Variants in DCC observed in about 807,000 individuals in gnomAD.
DCC encodes netrin receptor DCC.
DCC carries 58 observed loss-of-function variants against 172.5 expected under a neutral mutation model. The ratio of observed to expected loss-of-function variants is 0.34; its 90% CI spans 0.27 to 0.42. DCC has a LOEUF of 0.42. Ranked by LOEUF, DCC falls within the 10% of genes least tolerant of loss-of-function variation. DCC has a pLI of 1.00. For missense variants in DCC, 1,740 were observed against 1,791.0 expected, an observed-to-expected ratio of 0.97 and a Z score of 0.51; for synonymous variants, 709 against 644.5, an observed-to-expected ratio of 1.10 and a Z score of -1.52.
chr18:52,949,985 T>C (rs1304150207), intron 5 of DCC, among the ~76,000 whole-genome samples: 1 of 152,198 alleles, frequency 6.6e-6, no homozygotes, highest in Non-Finnish European at 1.5e-5. Flanking sequence ...CAATTATTTA[T>C]TGAGGACCTA....
intron 12 of DCC, among the ~76,000 whole-genome samples, chr18:53,269,206 C>T (rs565955049): frequency 3.9e-4 from 59 of 151,974 alleles, no homozygotes; most frequent in African/African-American, 1.2e-3. Flanking sequence ...AAATAACTAG[C>T]GTATTCTTTA....
At chr18:52,391,033 T>A (rs1986012537) in intron 1 of DCC, among the ~76,000 whole-genome samples, 1 of 152,090 alleles carries the variant, frequency 6.6e-6, no homozygotes, top group South Asian at 2.1e-4. Flanking sequence ...TGTGTGTATG[T>A]GTGTATAATA....
intron 7 of DCC, among the ~76,000 whole-genome samples, chr18:53,076,102 T>C (rs2042721947): frequency 6.6e-6 from 1 of 152,182 alleles, no homozygotes; most frequent in Non-Finnish European, 1.5e-5. Context: ...CTTAATGACC[T>C]GGGCAATTAT....
chr18:52,796,069 T>TTG (rs1354133665), intron 2 of DCC, among the ~76,000 whole-genome samples: 1 of 147,726 alleles, frequency 6.8e-6, no homozygotes, highest in East Asian at 2.0e-4. Flanking sequence ...TACTTTTTTT[T>TTG]TTCTGCTTTT....
At chr18:52,350,538 C>A (rs1056011376) in intron 1 of DCC, among the ~76,000 whole-genome samples, 1 of 150,808 alleles carries the variant, frequency 6.6e-6, no homozygotes, top group Admixed American at 6.6e-5. Flanking sequence ...GAGTTGGGGG[C>A]TAGGGGAGGG....
chr18:52,500,285 G>A (rs144326563), intron 1 of DCC, among the ~76,000 whole-genome samples: 15 of 152,098 alleles, frequency 9.9e-5, no homozygotes, highest in Middle Eastern at 6.4e-3. Context: ...GCAAGGACGC[G>A]TGTAAAGGAT....
intron 1 of DCC, among the ~76,000 whole-genome samples, chr18:52,562,204 C>A (rs2144741952): frequency 6.6e-6 from 1 of 152,274 alleles, no homozygotes; most frequent in South Asian, 2.1e-4. Flanking sequence ...AAATCAGATT[C>A]ACTGGTGAGT....
At chr18:52,564,391 T>G (rs2033106482) in intron 1 of DCC, among the ~76,000 whole-genome samples, 1 of 152,116 alleles carries the variant, frequency 6.6e-6, no homozygotes, top group Non-Finnish European at 1.5e-5. Flanking sequence ...TGTTCAGATT[T>G]AAAGTTCTTA....
At chr18:52,954,937 A>G (rs918531311) in intron 5 of DCC, among the ~76,000 whole-genome samples, 1 of 152,172 alleles carries the variant, frequency 6.6e-6, no homozygotes, top group Non-Finnish European at 1.5e-5. Context: ...ACAGTTGAGC[A>G]GAAAGTACGG....
chr18:53,243,899 C>T (rs776523324), intron 12 of DCC, among the ~76,000 whole-genome samples: 5 of 151,976 alleles, frequency 3.3e-5, no homozygotes, highest in Non-Finnish European at 7.4e-5. Flanking sequence ...TTCTCGTTAG[C>T]CAAAAAAGCA....
At chr18:53,104,360 T>A (rs757264900) in intron 7 of DCC, among the ~76,000 whole-genome samples, 49 of 151,956 alleles carry the variant, frequency 3.2e-4, no homozygotes, top group Non-Finnish European at 5.9e-4. Flanking sequence ...CTCTTGAGAG[T>A]GAATAAGTCT....
intron 1 of DCC, among the ~76,000 whole-genome samples, chr18:52,443,527 G>A (rs1205771076): frequency 6.6e-6 from 1 of 152,178 alleles, no homozygotes; most frequent in Admixed American, 6.5e-5. Context: ...GAGTCATGAA[G>A]AATGCATAGG....
In DCC at chr18:53,356,602, G is replaced by A. The variant is rs577615615; in HGVS notation, c.2359+16695G>A. Among the ~76,000 whole-genome samples the A allele has an allele frequency of 3.8e-4, 58 of 152,190 alleles. 1 individual carries two copies. In the South Asian group the frequency reaches 0.012, roughly 32 times the overall value. ...GAGTTACATGGTTGTCCATCTGGCC[G>A]GATGGAGTCCTGACTCAGCACCAAA... On this transcript the variant is annotated intron_variant, in intron 15 of 28. Transcript: ENST00000442544.
At chr18:53,277,367 A>G (rs2056818053) in intron 12 of DCC, among the ~76,000 whole-genome samples, 1 of 152,096 alleles carries the variant, frequency 6.6e-6, no homozygotes, top group Non-Finnish European at 1.5e-5. Flanking sequence ...CTGGAGAAGG[A>G]GGATCCTTAT....
intron 15 of DCC, among the ~76,000 whole-genome samples, chr18:53,381,622 G>A (rs1019105188): frequency 1.7e-5 from 2 of 120,848 alleles, no homozygotes; most frequent in African/African-American, 6.5e-5. Flanking sequence ...TTGCTCTAAA[G>A]GTTGACGGCT....
intron 12 of DCC, among the ~76,000 whole-genome samples, chr18:53,294,315 G>A (rs537199159): frequency 6.6e-6 from 1 of 152,308 alleles, no homozygotes; most frequent in South Asian, 2.1e-4. Context: ...CAGAGCCAGT[G>A]GCAGGAGGGC....
chr18:52,733,703 C>A (rs1045143345), intron 1 of DCC, among the ~76,000 whole-genome samples: 7 of 151,960 alleles, frequency 4.6e-5, no homozygotes, highest in African/African-American at 1.7e-4. Flanking sequence ...GCTATGTTAC[C>A]TAGGGTGGTC....
intron 1 of DCC, among the ~76,000 whole-genome samples, chr18:52,568,773 G>C (rs1739622223): frequency 1.3e-5 from 2 of 152,222 alleles, no homozygotes; most frequent in South Asian, 4.1e-4. Flanking sequence ...CAGTGAACGT[G>C]CAAGGTGTGG....
intron 1 of DCC, among the ~76,000 whole-genome samples, chr18:52,601,502 G>A (rs924811656): frequency 7.2e-5 from 11 of 151,866 alleles, no homozygotes; most frequent in African/African-American, 1.9e-4. Flanking sequence ...TTCTACTTCC[G>A]AAGCCTCTAA....
Sources: gnomAD v4.1 joint callset for allele counts (sites outside exome capture counted in the v4.1 genomes callset) on GRCh38, gnomAD v4.1.1 for gene constraint, MANE v1.5 for transcripts, NCBI Gene and HGNC (gene_info 2026-07-23, HGNC 2026-07-21) for gene names.